Variants in CTNND2 observed in about 807,000 individuals in gnomAD.
CTNND2 encodes catenin delta 2.
In CTNND2, 22 loss-of-function variants were observed where a neutral mutation model predicts 144.4. That is an observed-to-expected ratio of 0.15 (90% CI 0.11 to 0.22). CTNND2 has a LOEUF of 0.22. Among genes scored for constraint, CTNND2 ranks in the 10% least tolerant of loss-of-function variants. CTNND2 has a pLI of 1.00. For synonymous variants in CTNND2, 751 were observed against 695.6 expected (o/e 1.08, Z -1.25); for missense variants, 1,353 against 1,618.8 (o/e 0.84, Z 2.82).
chr5:11,153,800 C>T (rs939010029), intron 12 of CTNND2, among the ~76,000 whole-genome samples: 16 of 152,112 alleles, frequency 1.1e-4, no homozygotes, highest in East Asian at 7.7e-4. Context: ...AATAAATAAA[C>T]GACTCAGCGG....
chr5:11,120,965 C>T (rs1754081182), intron 12 of CTNND2, among the ~76,000 whole-genome samples: 2 of 152,302 alleles, frequency 1.3e-5, no homozygotes, highest in African/African-American at 4.8e-5. Flanking sequence ...AGGAGGGTTT[C>T]CTGTTCCTCC....
intron 18 of CTNND2, among the ~76,000 whole-genome samples, chr5:11,011,166 C>T (rs1236900406): frequency 6.6e-6 from 1 of 152,186 alleles, no homozygotes; most frequent in African/African-American, 2.4e-5. Flanking sequence ...GACGTCTGAT[C>T]TACCTGTGAT....
rs902303139 is a variant in CTNND2, at chr5:11,427,241, T to G, written c.288-15172A>C. Among the ~76,000 whole-genome samples, 10 of 152,032 alleles carry G rather than the reference T, an allele frequency of 6.6e-5. No homozygotes were observed. The East Asian group carries it at 1.9e-3, about 29-fold the overall frequency. On this transcript the variant is annotated intron_variant, in intron 3 of 21. Transcript: ENST00000304623. ...GAAGAAAGGAGAAAAGCCTTAGTAT[T>G]TTTTTAGTACCTTTAAACGCATTTT...
At chr5:10,986,679 C>T (rs61752660) in intron 20 of CTNND2, 375 of 456,256 alleles carry the variant, frequency 8.2e-4, no homozygotes, top group African/African-American at 6.5e-3. Context: ...GTTCAGGAAA[C>T]GTCTCAGGAG....
intron 2 of CTNND2, among the ~76,000 whole-genome samples, chr5:11,657,114 G>A (rs1782956439): frequency 6.6e-6 from 1 of 152,044 alleles, no homozygotes; most frequent in Non-Finnish European, 1.5e-5. Flanking sequence ...ATGTCCTGCA[G>A]CCTCACCACT....
At chr5:11,823,279 A>C (rs556581808) in intron 1 of CTNND2, among the ~76,000 whole-genome samples, 1 of 152,294 alleles carries the variant, frequency 6.6e-6, no homozygotes, top group East Asian at 1.9e-4. Flanking sequence ...CAAAACCACT[A>C]ATGATGCATG....
intron 10 of CTNND2, among the ~76,000 whole-genome samples, chr5:11,204,845 A>G (rs1419968025): frequency 1.3e-5 from 2 of 152,176 alleles, no homozygotes; most frequent in African/African-American, 4.8e-5. Context: ...CAAGTTGCTT[A>G]GAGGATAGTG....
chr5:11,446,263 G>C lies in CTNND2; in HGVS notation c.288-34194C>G, dbSNP rs527566577. On this transcript the variant is annotated intron_variant, in intron 3 of 21. Transcript: ENST00000304623. ...GCTGGGATTACAGGCGTGAGTCACC[G>C]TGCCCAGTACTAGATGCAAAATTTT... Among the ~76,000 whole-genome samples the C allele has an allele frequency of 2.0e-5, 3 of 152,240 alleles. No individual in the cohort carries two copies. In the South Asian group the frequency reaches 6.2e-4, roughly 32 times the overall value.
intron 12 of CTNND2, among the ~76,000 whole-genome samples, chr5:11,122,087 A>G (rs552571862): frequency 6.6e-6 from 1 of 152,278 alleles, no homozygotes; most frequent in South Asian, 2.1e-4. Flanking sequence ...ATCGGATTGG[A>G]ATTCAGGAAA....
At chr5:11,421,645 G>A (rs1396403033) in intron 3 of CTNND2, among the ~76,000 whole-genome samples, 4 of 152,124 alleles carry the variant, frequency 2.6e-5, no homozygotes, top group African/African-American at 9.7e-5. Flanking sequence ...AAATACCCAG[G>A]CATGGCGGTG....
chr5:11,630,053 G>A (rs546533279), intron 2 of CTNND2, among the ~76,000 whole-genome samples: 7 of 151,888 alleles, frequency 4.6e-5, no homozygotes, highest in Admixed American at 1.3e-4. Flanking sequence ...CTACTTATAC[G>A]TGCATTTTTG....
chr5:11,308,383 C>G (rs1580859372), intron 9 of CTNND2, among the ~76,000 whole-genome samples: 1 of 152,202 alleles, frequency 6.6e-6, no homozygotes, highest in Non-Finnish European at 1.5e-5. Context: ...CTAGCCAGCT[C>G]TGCTGTTACA....
intron 3 of CTNND2, among the ~76,000 whole-genome samples, chr5:11,484,181 TG>T (rs1284533726): frequency 2.6e-5 from 4 of 152,218 alleles, no homozygotes; most frequent in Non-Finnish European, 5.9e-5. Context: ...AGGACCTGTC[TG>T]CCCATTTCAG....
At chr5:11,240,514 C>T (rs1742222803) in intron 9 of CTNND2, among the ~76,000 whole-genome samples, 2 of 143,080 alleles carry the variant, frequency 1.4e-5, no homozygotes, top group African/African-American at 5.2e-5. Flanking sequence ...ACCCAACACA[C>T]ACACACCCAA....
chr5:11,610,477 T>C (rs1581603772), intron 2 of CTNND2, among the ~76,000 whole-genome samples: 2 of 152,326 alleles, frequency 1.3e-5, no homozygotes, highest in Admixed American at 1.3e-4. Context: ...AGAGAAGTGA[T>C]GTGACTGGCA....
chr5:11,035,028 C>G (rs1411988096), intron 16 of CTNND2, among the ~76,000 whole-genome samples: 2 of 129,746 alleles, frequency 1.5e-5, no homozygotes, highest in African/African-American at 5.7e-5. Flanking sequence ...CCCCCTCCCC[C>G]CACCCCACAG....
At chr5:11,115,365 C>T (rs997457455) in intron 13 of CTNND2, among the ~76,000 whole-genome samples, 8 of 152,290 alleles carry the variant, frequency 5.3e-5, no homozygotes, top group Non-Finnish European at 1.2e-4. Flanking sequence ...ATTTTATTTT[C>T]AGCTGTAAGG....
intron 15 of CTNND2, among the ~76,000 whole-genome samples, chr5:11,083,683 A>C (rs1442253006): frequency 6.6e-6 from 1 of 152,262 alleles, no homozygotes; most frequent in Non-Finnish European, 1.5e-5. Context: ...AGAGAGTACA[A>C]TATAAAAATT....
Position 11,033,729 on chromosome 5 carries a change from T to C in CTNND2, c.2789-10750A>G, listed in dbSNP as rs200591651. Among the ~76,000 whole-genome samples the C allele has an allele frequency of 4.0e-5, 6 of 150,942 alleles. No homozygotes were observed. The East Asian group carries it at 7.8e-4, about 20-fold the overall frequency. Reference sequence around the variant, plus strand: ...CCTGTAATCCCAGTTACTCGGGAGGTTGAGGCAGGAGAATCGCTTGAACCT... The same window carrying C: ...CCTGTAATCCCAGTTACTCGGGAGGCTGAGGCAGGAGAATCGCTTGAACCT... On this transcript the variant is annotated intron_variant, in intron 16 of 21. Transcript: ENST00000304623.
Sources: gnomAD v4.1 joint callset for allele counts (sites outside exome capture counted in the v4.1 genomes callset) on GRCh38, gnomAD v4.1.1 for gene constraint, MANE v1.5 for transcripts, NCBI Gene and HGNC (gene_info 2026-07-23, HGNC 2026-07-21) for gene names.